ACBD6: variants seen among roughly 807,000 people sequenced by gnomAD.
The protein encoded by ACBD6 is acyl-CoA binding domain containing 6.
Under a neutral mutation model 37.2 loss-of-function variants are expected in ACBD6, and 28 were observed. The ratio of observed to expected loss-of-function variants is 0.75; its 90% CI spans 0.56 to 1.03. The LOEUF (loss-of-function observed/expected upper bound fraction) is 1.03. ACBD6 is among the 50% of genes least tolerant of loss of function. The probability of loss-of-function intolerance (pLI) is 0.00; values close to 1 mark genes in which losing one functional copy is unlikely to be tolerated. For missense variants in ACBD6, 340 were observed against 337.4 expected (o/e 1.01, Z -0.06); for synonymous variants, 113 against 126.8 (o/e 0.89, Z 0.73).
chr1:180,331,864 T>C (rs190413049), intron 6 of ACBD6, among the ~76,000 whole-genome samples: 91 of 152,324 alleles, frequency 6.0e-4, no homozygotes, highest in South Asian at 5.2e-3. Context: ...GCTCCATCCT[T>C]GAATTCTACT....
At chr1:180,364,578 T>G (rs1370803897) in intron 6 of ACBD6, among the ~76,000 whole-genome samples, 2 of 152,226 alleles carry the variant, frequency 1.3e-5, no homozygotes, top group Non-Finnish European at 2.9e-5. Context: ...GAGAAATTTC[T>G]AATAATTAGC....
At position 180,271,072 on chromosome 1, in the gene ACBD6, G is replaced by A. The variant is rs551623660; in HGVS notation, c.*2153C>T. On this transcript the variant is annotated 3_prime_UTR_variant, in exon 14 of 14. Coordinates refer to the ACBD6 transcript ENST00000642319. ...GCAGAGTGTTTGTCATGACAGGGAC[G>A]TGTGGAATTGGGTACATTCAATCTG... is the stretch of plus-strand genomic sequence containing the variant. 389 of 441,658 alleles carry A rather than the reference G, an allele frequency of 8.8e-4. 2 individuals are homozygous for A. The highest frequency in any genetic ancestry group is 5.8e-3 in the South Asian group (284 of 48,640). 27.4% of individuals were successfully genotyped at this position (441,658 alleles called of 1,614,324 possible).
At chr1:180,271,240 C>T in exon 14 of ACBD6, 9 of 924,498 alleles carry the variant, frequency 9.7e-6, no homozygotes, top group South Asian at 6.6e-5. Flanking sequence ...GACCTCTCCA[C>T]TCTGATGTCC....
chr1:180,376,622 A>G (rs1653446423), intron 6 of ACBD6, among the ~76,000 whole-genome samples: 2 of 152,206 alleles, frequency 1.3e-5, no homozygotes, highest in African/African-American at 2.4e-5. Flanking sequence ...GGGATATGAA[A>G]ATGTGCACAT....
At chr1:180,271,109 G>C (rs903402988) in exon 14 of ACBD6, 1 of 531,546 alleles carries the variant, frequency 1.9e-6, no homozygotes, top group African/African-American at 1.9e-5. Context: ...TGAGACTTCT[G>C]TGCAGCTGGG....
intron 6 of ACBD6, among the ~76,000 whole-genome samples, chr1:180,378,494 T>C (rs538799395): frequency 5.9e-5 from 9 of 152,344 alleles, no homozygotes; most frequent in African/African-American, 1.7e-4. Flanking sequence ...AGTTATATTA[T>C]GGTTATACAA....
At chr1:180,286,635 A>G (rs1021358122), downstream of ACBD6, among the ~76,000 whole-genome samples, 1 of 152,238 alleles carries the variant, frequency 6.6e-6, no homozygotes, top group African/African-American at 2.4e-5. Flanking sequence ...TTGTGAAAGA[A>G]CAGACAGTGA....
At chr1:180,325,655 T>C (rs1430173813) in intron 6 of ACBD6, among the ~76,000 whole-genome samples, 1 of 152,174 alleles carries the variant, frequency 6.6e-6, no homozygotes, top group African/African-American at 2.4e-5. Flanking sequence ...ATTGAAGAGT[T>C]AGAATTTATT....
At chr1:180,480,781 A>C (rs563339214) in intron 3 of ACBD6, among the ~76,000 whole-genome samples, 1 of 152,312 alleles carries the variant, frequency 6.6e-6, no homozygotes, top group South Asian at 2.1e-4. Context: ...CCTGTAATCT[A>C]GCACTTTGGG....
At chr1:180,451,105 T>C (rs1351960176) in intron 3 of ACBD6, among the ~76,000 whole-genome samples, 8 of 152,106 alleles carry the variant, frequency 5.3e-5, no homozygotes. Context: ...GAAAGGGAAA[T>C]GTAACTTAAA....
chr1:180,271,601 G>A (rs1270793107), exon 14 of ACBD6: 1 of 1,585,208 alleles, frequency 6.3e-7, no homozygotes, highest in Non-Finnish European at 8.7e-7. Flanking sequence ...AAGGTATCCT[G>A]AGTGACATCA....
intron 3 of ACBD6, among the ~76,000 whole-genome samples, chr1:180,469,076 T>C (rs893649842): frequency 6.6e-6 from 1 of 152,178 alleles, no homozygotes; most frequent in African/African-American, 2.4e-5. Context: ...TGTTTAATAA[T>C]ATATAGTCCT....
At chr1:180,303,221 C>A (rs1406492822) in intron 7 of ACBD6, among the ~76,000 whole-genome samples, 1 of 149,776 alleles carries the variant, frequency 6.7e-6, no homozygotes, top group African/African-American at 2.4e-5. Flanking sequence ...CAAACACATT[C>A]AAAAGCTAGC....
intron 4 of ACBD6, among the ~76,000 whole-genome samples, chr1:180,414,209 G>C (rs1274046283): frequency 1.3e-5 from 2 of 152,138 alleles, no homozygotes; most frequent in Non-Finnish European, 2.9e-5. Context: ...GTTTCAATCG[G>C]ATTCTCAAAA....
chr1:180,339,830 T>C lies in ACBD6; in HGVS notation c.664-25108A>G, dbSNP rs560701694. Among the ~76,000 whole-genome samples the C allele has an allele frequency of 7.8e-4, 118 of 151,390 alleles. 1 individual carries two copies. The highest frequency in any genetic ancestry group is 2.8e-3 in the African/African-American group (115 of 41,260). On this transcript the variant is annotated intron_variant, in intron 6 of 7. Coordinates refer to ENST00000367595, the MANE Select transcript of ACBD6 (RefSeq NM_032360.4). ...TAAAATATAGTATACTAGATGATGG[T>C]ACGTGCTACAGAGAAAAATAAAGCA...
intron 7 of ACBD6, among the ~76,000 whole-genome samples, chr1:180,293,253 G>A (rs1406739766): frequency 6.6e-6 from 1 of 151,072 alleles, no homozygotes; most frequent in Non-Finnish European, 1.5e-5. Context: ...GCTGGGCAGT[G>A]CTCCCTCCCC....
intron 3 of ACBD6, among the ~76,000 whole-genome samples, chr1:180,459,967 CTTTTTTTT>C (rs67323272): frequency 5.8e-4 from 63 of 107,964 alleles, no homozygotes; most frequent in African/African-American, 1.0e-3. Context: ...CAGACTGCTT[CTTTTTTTT>C]TTTTTTTTTT....
chr1:180,408,711 G>C (rs1571469190), intron 5 of ACBD6, among the ~76,000 whole-genome samples: 1 of 152,124 alleles, frequency 6.6e-6, no homozygotes, highest in Middle Eastern at 3.4e-3. Context: ...AATTACGTTA[G>C]GAGGGTCAGA....
chr1:180,369,203 G>A (rs562965513), intron 6 of ACBD6, among the ~76,000 whole-genome samples: 9 of 152,264 alleles, frequency 5.9e-5, no homozygotes, highest in African/African-American at 1.9e-4. Flanking sequence ...AGCAGCCTAC[G>A]CAGGGCTCCA....
Sources: gnomAD v4.1 joint callset for allele counts (sites outside exome capture counted in the v4.1 genomes callset) on GRCh38, gnomAD v4.1.1 for gene constraint, MANE v1.5 for transcripts, NCBI Gene and HGNC (gene_info 2026-07-23, HGNC 2026-07-21) for gene names.